The following ZFHX3 variants were observed in gnomAD, a reference collection of about 807,000 sequenced individuals.
ZFHX3 encodes the protein zinc finger homeobox 3.
A neutral mutation model predicts 279.1 loss-of-function variants in ZFHX3; 42 were observed. The ratio of observed to expected loss-of-function variants is 0.15; its 90% CI spans 0.12 to 0.19. The LOEUF is 0.19. ZFHX3 is among the 10% of genes least tolerant of loss of function. The pLI is 1.00. For synonymous variants in ZFHX3, 2,293 were observed against 1,957.8 expected, an observed-to-expected ratio of 1.17 and a Z score of -4.52; for missense variants, 4,981 against 4,754.0, an observed-to-expected ratio of 1.05 and a Z score of -1.40.
chr16:73,730,298 T>G (rs2053557779), intron 1 of ZFHX3, among the ~76,000 whole-genome samples: 3 of 144,580 alleles, frequency 2.1e-5, no homozygotes, highest in African/African-American at 2.7e-5. Context: ...TGGCTCAAAT[T>G]CTGTTACAAC....
intron 3 of ZFHX3, among the ~76,000 whole-genome samples, chr16:72,922,347 C>T (rs1356392356): frequency 1.3e-5 from 2 of 152,142 alleles, no homozygotes. Flanking sequence ...ACGGTGAGGC[C>T]CCCCTGTCCC....
At chr16:73,444,572 T>C (rs2018149161) in intron 3 of ZFHX3, among the ~76,000 whole-genome samples, 1 of 152,222 alleles carries the variant, frequency 6.6e-6, no homozygotes, top group African/African-American at 2.4e-5. Context: ...AAAGTTATGC[T>C]CCTTCTAATG....
intron 3 of ZFHX3, among the ~76,000 whole-genome samples, chr16:73,326,556 T>G (rs1179485230): frequency 1.3e-5 from 2 of 152,170 alleles, no homozygotes; most frequent in South Asian, 4.1e-4. Context: ...ATGCCAAGAA[T>G]AGGCAAACCT....
At chr16:73,478,377 G>A (rs548472652) in intron 2 of ZFHX3, among the ~76,000 whole-genome samples, 3 of 151,852 alleles carry the variant, frequency 2.0e-5, no homozygotes, top group African/African-American at 7.3e-5. Context: ...TCTACCAACT[G>A]AGCTATCCAG....
At chr16:73,627,897 G>A (rs557507176) in intron 2 of ZFHX3, among the ~76,000 whole-genome samples, 3 of 152,248 alleles carry the variant, frequency 2.0e-5, no homozygotes, top group South Asian at 2.1e-4. Context: ...CAGCCTGGGC[G>A]ACAGAGCAAG....
chr16:73,482,104 G>T (rs187647804), intron 2 of ZFHX3, among the ~76,000 whole-genome samples: 1 of 152,290 alleles, frequency 6.6e-6, no homozygotes, highest in East Asian at 1.9e-4. Context: ...CTCAGCGCAA[G>T]TGTATACGAG....
intron 1 of ZFHX3, among the ~76,000 whole-genome samples, chr16:73,735,517 C>A (rs905739445): frequency 3.3e-5 from 5 of 151,810 alleles, no homozygotes; most frequent in African/African-American, 7.2e-5. Context: ...AATAAAACAA[C>A]TTTTAATAAA....
At chr16:73,775,639 T>C (rs969817646) in intron 1 of ZFHX3, among the ~76,000 whole-genome samples, 2 of 152,112 alleles carry the variant, frequency 1.3e-5, no homozygotes, top group African/African-American at 4.8e-5. Flanking sequence ...ATAGCCACAA[T>C]AAAATCCAGA....
chr16:73,703,365 A>T (rs1163708128), intron 1 of ZFHX3, among the ~76,000 whole-genome samples: 1 of 152,168 alleles, frequency 6.6e-6, no homozygotes, highest in African/African-American at 2.4e-5. Context: ...AATCATTAAA[A>T]ATAACAACCC....
intron 1 of ZFHX3, among the ~76,000 whole-genome samples, chr16:73,886,778 AAC>A (rs1208741334): frequency 6.6e-6 from 1 of 152,178 alleles, no homozygotes; most frequent in African/African-American, 2.4e-5. Context: ...GAGATAAACA[AAC>A]AGTGTATTAA....
intron 2 of ZFHX3, among the ~76,000 whole-genome samples, chr16:73,522,187 A>C (rs533778530): frequency 6.6e-6 from 1 of 152,248 alleles, no homozygotes; most frequent in Non-Finnish European, 1.5e-5. Context: ...TAATTGTGAA[A>C]AATTGGGAAC....
intron 2 of ZFHX3, among the ~76,000 whole-genome samples, chr16:73,649,185 A>AG (rs1430414787): frequency 2.3e-4 from 35 of 152,354 alleles, no homozygotes; most frequent in Non-Finnish European, 2.4e-4. Context: ...TCCATAGGCA[A>AG]GTAATGAGTT....
rs1310552046 is a variant in ZFHX3 at position 72,959,660 on chromosome 16, G to A, written c.486C>T (p.Gly162=). 6.2e-7 allele frequency: 1 copy of A among 1,613,388 alleles called. No homozygotes were observed. The highest frequency in any genetic ancestry group is 2.2e-5 in the East Asian group (1 of 44,876). ...QGGGACGSGS[G]SGPLPSLFLN... ...GGAAAAGCGAGGGGAGAGGCCCACT[G>A]CCACTGCCACTCCCACAGGCGCCCC... is the stretch of plus-strand genomic sequence containing the variant. The change falls in exon 2 of 10, where the codon GGC becomes GGT. Residue 162 remains glycine, a synonymous_variant. Transcript: ENST00000268489.
intron 6 of ZFHX3, among the ~76,000 whole-genome samples, chr16:73,139,778 T>A (rs775078832): frequency 2.2e-4 from 33 of 152,204 alleles, no homozygotes; most frequent in Non-Finnish European, 7.3e-5. Flanking sequence ...CTTCCTTGGA[T>A]CAATGCTTTC....
At chr16:73,868,383 G>A (rs1208359420) in intron 1 of ZFHX3, among the ~76,000 whole-genome samples, 1 of 152,208 alleles carries the variant, frequency 6.6e-6, no homozygotes, top group Non-Finnish European at 1.5e-5. Context: ...AATTAGCCGG[G>A]CCTGGTGGCA....
intron 1 of ZFHX3, among the ~76,000 whole-genome samples, chr16:73,867,470 A>C (rs747230283): frequency 5.9e-5 from 9 of 152,154 alleles, no homozygotes; most frequent in Non-Finnish European, 1.3e-4. Context: ...CACGGAGGTG[A>C]CCTTCACTTG....
At chr16:73,153,460 T>A (rs1966998317) in intron 5 of ZFHX3, among the ~76,000 whole-genome samples, 1 of 152,048 alleles carries the variant, frequency 6.6e-6, no homozygotes, top group South Asian at 2.1e-4. Flanking sequence ...GATATTTTTC[T>A]GCACTGGAGT....
At chr16:73,810,016 A>G in intron 1 of ZFHX3, among the ~76,000 whole-genome samples, 1 of 152,154 alleles carries the variant, frequency 6.6e-6, no homozygotes, top group South Asian at 2.1e-4. Flanking sequence ...TGCACCAAAG[A>G]GGCAAATCTA....
At chr16:72,792,171 G>A (rs544643576) in intron 9 of ZFHX3, among the ~76,000 whole-genome samples, 1 of 152,238 alleles carries the variant, frequency 6.6e-6, no homozygotes, top group Non-Finnish European at 1.5e-5. Flanking sequence ...AAGTATGTAG[G>A]AAGAACTGCA....
Sources: allele counts gnomAD v4.1 joint callset (sites outside exome capture counted in the v4.1 genomes callset), GRCh38; gene constraint gnomAD v4.1.1; transcripts MANE v1.5; gene names NCBI Gene and HGNC (gene_info 2026-07-23, HGNC 2026-07-21).